SNCAIP: variants seen among roughly 807,000 people sequenced by gnomAD.
SNCAIP encodes synuclein alpha interacting protein, also known as synphilin-1.
In SNCAIP, 43 loss-of-function variants were observed where a neutral mutation model predicts 86.7. The ratio of observed to expected loss-of-function variants is 0.50; its 90% CI spans 0.39 to 0.64. SNCAIP has a LOEUF of 0.64. Among genes scored for constraint, SNCAIP ranks in the 30% least tolerant of loss-of-function variants. The pLI is 0.00. For synonymous variants in SNCAIP, 417 were observed against 427.2 expected (o/e 0.98, Z 0.29); for missense variants, 981 against 1,103.1 (o/e 0.89, Z 1.57).
At chr5:122,442,535 G>C (rs746600302) in intron 7 of SNCAIP, among the ~76,000 whole-genome samples, 1 of 152,124 alleles carries the variant, frequency 6.6e-6, no homozygotes, top group Non-Finnish European at 1.5e-5. Context: ...AAATTGGAGA[G>C]TATAGGAGAG....
At chr5:122,342,643 A>C (rs1298317584) in intron 1 of SNCAIP, among the ~76,000 whole-genome samples, 1 of 152,186 alleles carries the variant, frequency 6.6e-6, no homozygotes, top group East Asian at 1.9e-4. Context: ...TAGGGAGGGT[A>C]AGGAACTTGC....
chr5:122,440,685 T>G lies in SNCAIP; in HGVS notation c.1353T>G (p.Asp451Glu). ...QFMQEQGISL[D>E]EVDQDGNSAV... ...TGCAAGAACAGGGCATCTCGTTGGATGAAGTAGACCAGGATGGCAACAGTG... is the reference window on the plus strand; with the variant it reads ...TGCAAGAACAGGGCATCTCGTTGGAGGAAGTAGACCAGGATGGCAACAGTG... Residue 451 changes from aspartate (D) to glutamate (E), a missense_variant, in exon 7 of 11, where the codon GAT (aspartate) becomes GAG (glutamate). Physicochemically the swap from Asp to Glu is conservative, Grantham distance 45 (BLOSUM62 2). Coordinates refer to ENST00000261368, the MANE Select transcript of SNCAIP (RefSeq NM_005460.4). 1 of 1,614,074 alleles carries G rather than the reference T, an allele frequency of 6.2e-7. No homozygotes were observed. The highest frequency in any genetic ancestry group is 8.5e-7 in the Non-Finnish European group (1 of 1,179,904).
In SNCAIP at chr5:122,423,385, T is replaced by G; in HGVS notation, c.648T>G (p.Pro216=). 3 of 1,613,472 alleles carry G rather than the reference T, an allele frequency of 1.9e-6. No individual in the cohort carries two copies. The highest frequency in any genetic ancestry group is 2.5e-6 in the Non-Finnish European group (3 of 1,179,636). The change falls in exon 4 of 11, where the codon CCT becomes CCG. Residue 216 remains proline (P), a synonymous_variant. Transcript: ENST00000261368. The stretch of plus-strand genomic sequence containing the variant: ...GTGTTCTTTCTCCCGTGAAAAGCCC[T>G]CACTTGAGAAAAGCATCAGCTGTCA... ...PFCVLSPVKS[P]HLRKASAVIH...
intron 2 of SNCAIP, among the ~76,000 whole-genome samples, chr5:122,398,021 G>A (rs1770985822): frequency 6.6e-6 from 1 of 152,166 alleles, no homozygotes; most frequent in East Asian, 1.9e-4. Context: ...AGTAAGCACA[G>A]TATCTATTGA....
chr5:122,362,282 A>T (rs1463169114), intron 1 of SNCAIP, among the ~76,000 whole-genome samples: 1 of 152,188 alleles, frequency 6.6e-6, no homozygotes, highest in Non-Finnish European at 1.5e-5. Context: ...TCCTATGAGC[A>T]ATAGGTGATG....
chr5:122,374,978 A>G (rs1472089940), intron 1 of SNCAIP, among the ~76,000 whole-genome samples: 3 of 152,092 alleles, frequency 2.0e-5, no homozygotes, highest in Non-Finnish European at 4.4e-5. Context: ...CTATGGTGGA[A>G]GCAGATTTTG....
chr5:122,346,780 G>T (rs955540410), intron 1 of SNCAIP, among the ~76,000 whole-genome samples: 2 of 151,442 alleles, frequency 1.3e-5, no homozygotes, highest in Non-Finnish European at 2.9e-5. Context: ...TGAAAGTAGG[G>T]TTGAAATGAT....
intron 6 of SNCAIP, among the ~76,000 whole-genome samples, chr5:122,437,546 A>G (rs978403587): frequency 6.6e-6 from 1 of 152,208 alleles, no homozygotes; most frequent in Non-Finnish European, 1.5e-5. Context: ...TTCTTATTTT[A>G]AATTCTTATG....
intron 1 of SNCAIP, among the ~76,000 whole-genome samples, chr5:122,327,465 A>G (rs988288260): frequency 1.3e-5 from 2 of 152,080 alleles, no homozygotes; most frequent in Non-Finnish European, 2.9e-5. Context: ...CTACATGTCA[A>G]TGGAGGGACC....
intron 1 of SNCAIP, among the ~76,000 whole-genome samples, chr5:122,319,420 G>A (rs1752492073): frequency 6.6e-6 from 1 of 152,190 alleles, no homozygotes; most frequent in Non-Finnish European, 1.5e-5. Flanking sequence ...TCTTGAGGAG[G>A]CACAGAAAAG....
At chr5:122,408,133 A>C (rs1215376965) in intron 3 of SNCAIP, among the ~76,000 whole-genome samples, 1 of 152,182 alleles carries the variant, frequency 6.6e-6, no homozygotes, top group African/African-American at 2.4e-5. Flanking sequence ...TCCTGTGGAT[A>C]CAGTACAGTT....
chr5:122,411,535 C>T (rs1241830955), intron 3 of SNCAIP, among the ~76,000 whole-genome samples: 1 of 151,972 alleles, frequency 6.6e-6, no homozygotes, highest in African/African-American at 2.4e-5. Context: ...CCCTTTTTAT[C>T]CACATATCTC....
At chr5:122,326,022 G>A (rs145487092) in intron 1 of SNCAIP, among the ~76,000 whole-genome samples, 43 of 152,200 alleles carry the variant, frequency 2.8e-4, no homozygotes, top group African/African-American at 9.9e-4. Context: ...GGGATAATTG[G>A]GTATGCTTAA....
chr5:122,430,754 G>A (rs1290058715), intron 5 of SNCAIP, among the ~76,000 whole-genome samples: 1 of 144,954 alleles, frequency 6.9e-6, no homozygotes, highest in African/African-American at 2.5e-5. Flanking sequence ...TAAAAATTAT[G>A]AGGGTAAAAA....
chr5:122,387,652 A>G (rs1768463764), intron 1 of SNCAIP, among the ~76,000 whole-genome samples: 1 of 152,164 alleles, frequency 6.6e-6, no homozygotes, highest in Non-Finnish European at 1.5e-5. Flanking sequence ...CCCTGGAGTC[A>G]CAGCAGTGAA....
chr5:122,446,338 T>C (rs947596883), intron 8 of SNCAIP, among the ~76,000 whole-genome samples: 2 of 152,224 alleles, frequency 1.3e-5, no homozygotes, highest in African/African-American at 4.8e-5. Flanking sequence ...AGAGGAACTT[T>C]AAAATGATCC....
At position 122,357,231 on chromosome 5, in the gene SNCAIP, T is replaced by TTATG. The variant is rs1354392577; in HGVS notation, c.-46-33855_-46-33854insGTAT. 7.9e-5 allele frequency among the ~76,000 whole-genome samples: 12 copies of TTATG among 152,010 alleles called. 1 individual carries two copies. The South Asian group carries it at 2.3e-3, about 29-fold the overall frequency. ...CTGCCCTAATGTTACCTCTTTATTTTTATTTATTTATTTATTTATTTCAAG... is the reference window on the plus strand; with the variant it reads ...CTGCCCTAATGTTACCTCTTTATTTTTATGTATTTATTTATTTATTTATTTCAAG... On this transcript the variant is annotated intron_variant, in intron 1 of 10. Transcript: ENST00000261368.
intron 3 of SNCAIP, among the ~76,000 whole-genome samples, chr5:122,409,730 A>G (rs1189419748): frequency 1.3e-5 from 2 of 152,230 alleles, no homozygotes; most frequent in Non-Finnish European, 2.9e-5. Flanking sequence ...AAAATATGTG[A>G]TGTTCTAAGA....
chr5:122,435,817 C>G (rs1339636197), intron 6 of SNCAIP, among the ~76,000 whole-genome samples: 2 of 152,090 alleles, frequency 1.3e-5, no homozygotes, highest in Non-Finnish European at 2.9e-5. Context: ...TATTCCCCTG[C>G]CTTTATTGTT....
Sources: gnomAD v4.1 joint callset for allele counts (sites outside exome capture counted in the v4.1 genomes callset) on GRCh38, gnomAD v4.1.1 for gene constraint, MANE v1.5 for transcripts, NCBI Gene and HGNC (gene_info 2026-07-23, HGNC 2026-07-21) for gene names.